The following FNIP1 variants were observed in gnomAD, a reference collection of about 807,000 sequenced individuals.
FNIP1 encodes the protein folliculin-interacting protein 1.
Under a neutral mutation model 124.5 loss-of-function variants are expected in FNIP1, and 40 were observed. That is an observed-to-expected ratio of 0.32 (90% CI 0.25 to 0.42). The LOEUF (loss-of-function observed/expected upper bound fraction) is 0.42. FNIP1 is among the 10% of genes least tolerant of loss of function. The pLI is 1.00. For synonymous variants in FNIP1, 472 were observed against 470.6 expected (o/e 1.00, Z -0.04); for missense variants, 1,176 against 1,403.7 (o/e 0.84, Z 2.59).
At chr5:131,644,785 T>C (rs761256340) in intron 17 of FNIP1, 22 bp from the exon 18 acceptor site, 1 of 1,611,458 alleles carries the variant, frequency 6.2e-7, no homozygotes. Flanking sequence ...GGGAAAAAAA[T>C]GTCAGTTTTG....
chr5:131,677,667 TCTAATA>T (rs1767948520), intron 13 of FNIP1, 30 bp downstream of exon 13: 1 of 1,557,778 alleles, frequency 6.4e-7, no homozygotes, highest in African/African-American at 1.4e-5. Flanking sequence ...TACAAAAAAG[TCTAATA>T]CATAGTGTAA....
chr5:131,791,112 T>C (rs190353301), intron 1 of FNIP1, among the ~76,000 whole-genome samples: 104 of 152,266 alleles, frequency 6.8e-4, no homozygotes, highest in African/African-American at 2.5e-3. Flanking sequence ...AAACCTGCAG[T>C]GAACAGCTCA....
chr5:131,766,968 C>T (rs1385965888), intron 1 of FNIP1, among the ~76,000 whole-genome samples: 2 of 152,146 alleles, frequency 1.3e-5, no homozygotes, highest in Admixed American at 1.3e-4. Flanking sequence ...GACTCCCACA[C>T]CAAATCTCCT....
intron 1 of FNIP1, among the ~76,000 whole-genome samples, chr5:131,746,870 C>G (rs1162891606): frequency 1.3e-5 from 2 of 152,180 alleles, no homozygotes; most frequent in Non-Finnish European, 2.9e-5. Flanking sequence ...TCCACAGTGG[C>G]TAAACTACTT....
intron 11 of FNIP1, among the ~76,000 whole-genome samples, chr5:131,693,551 A>G (rs1005684278): frequency 2.6e-4 from 39 of 151,684 alleles, no homozygotes; most frequent in African/African-American, 9.2e-4. Context: ...AATCTAGACA[A>G]AGACCTTACA....
At chr5:131,743,745 G>A (rs1028670088) in intron 2 of FNIP1, among the ~76,000 whole-genome samples, 3 of 152,106 alleles carry the variant, frequency 2.0e-5, no homozygotes, top group Non-Finnish European at 4.4e-5. Context: ...CATGTAAAGG[G>A]TAGAGTGAGA....
intron 2 of FNIP1, among the ~76,000 whole-genome samples, chr5:131,737,711 A>C (rs779874933): frequency 6.6e-6 from 1 of 152,190 alleles, no homozygotes; most frequent in Non-Finnish European, 1.5e-5. Flanking sequence ...GTAAGTGCTA[A>C]CGTGAGTTAG....
chr5:131,742,733 T>C (rs909077432), intron 2 of FNIP1, among the ~76,000 whole-genome samples: 2 of 152,234 alleles, frequency 1.3e-5, no homozygotes, highest in Non-Finnish European at 2.9e-5. Flanking sequence ...TTATTATGTA[T>C]GAACCCAAAT....
intron 1 of FNIP1, among the ~76,000 whole-genome samples, chr5:131,783,760 A>C (rs1772073224): frequency 6.6e-6 from 1 of 152,202 alleles, no homozygotes; most frequent in African/African-American, 2.4e-5. Flanking sequence ...CTGGAAGCTC[A>C]AGACAATAGG....
intron 11 of FNIP1, among the ~76,000 whole-genome samples, chr5:131,684,786 T>A (rs1367565703): frequency 6.6e-6 from 1 of 152,194 alleles, no homozygotes; most frequent in Non-Finnish European, 1.5e-5. Context: ...TGACAGTGTT[T>A]CCTCAGAGCC....
intron 1 of FNIP1, among the ~76,000 whole-genome samples, chr5:131,745,129 G>A (rs1223479555): frequency 1.3e-5 from 2 of 151,240 alleles, no homozygotes; most frequent in Non-Finnish European, 2.9e-5. Context: ...TTAAATAATA[G>A]CAAAGGACTT....
Position 131,672,730 on chromosome 5 carries a change from T to C in FNIP1, c.1714A>G (p.Thr572Ala), listed in dbSNP as rs1312082441. The part of the protein sequence containing the change: ...IVMPGTVITT[T>A]LEKGEIEESE... ...TCTTCTATTTCACCTTTCTCTAAAG[T>C]GGTAGTAATTACTGTGCCTGGCATA... is the stretch of plus-strand genomic sequence containing the variant. Residue 572 changes from threonine to alanine, a missense_variant, in exon 14 of 18, where the codon ACT (threonine) becomes GCT (alanine). Physicochemically the swap from Thr to Ala is moderately conservative, Grantham distance 58 (BLOSUM62 0). Coordinates refer to ENST00000510461, the MANE Select transcript of FNIP1 (RefSeq NM_133372.3). 8 of 1,613,564 alleles carry C rather than the reference T, an allele frequency of 5.0e-6. No homozygotes were observed. The Admixed American group carries it at 1.3e-4, about 27-fold the overall frequency.
intron 11 of FNIP1, among the ~76,000 whole-genome samples, chr5:131,688,868 T>C (rs1198637652): frequency 6.6e-6 from 1 of 151,840 alleles, no homozygotes; most frequent in African/African-American, 2.4e-5. Flanking sequence ...CCAGGAGCTG[T>C]GGTACAATTA....
chr5:131,723,059 C>G (rs1240528096), intron 3 of FNIP1, among the ~76,000 whole-genome samples: 2 of 152,118 alleles, frequency 1.3e-5, no homozygotes, highest in African/African-American at 4.8e-5. Context: ...CTAATTTATT[C>G]TTGAGATTTG....
At chr5:131,683,891 A>T (rs1768176627) in intron 11 of FNIP1, among the ~76,000 whole-genome samples, 1 of 152,202 alleles carries the variant, frequency 6.6e-6, no homozygotes, top group Non-Finnish European at 1.5e-5. Flanking sequence ...TCACATTTTC[A>T]TCAAACCCTC....
intron 11 of FNIP1, among the ~76,000 whole-genome samples, chr5:131,690,416 T>C (rs190366633): frequency 7.5e-4 from 114 of 152,158 alleles, no homozygotes; most frequent in South Asian, 6.2e-3. Context: ...ATCAAGACCA[T>C]GTGGAGGTAT....
chr5:131,662,788 G>A (rs968017025), intron 15 of FNIP1, among the ~76,000 whole-genome samples: 14 of 134,740 alleles, frequency 1.0e-4, no homozygotes, highest in Non-Finnish European at 1.7e-4. Context: ...CACCCAGGCT[G>A]GAGTACAGTG....
chr5:131,727,582 A>T (rs938153053), intron 3 of FNIP1, among the ~76,000 whole-genome samples: 1 of 152,106 alleles, frequency 6.6e-6, no homozygotes, highest in East Asian at 1.9e-4. Context: ...TTTGCAGATG[A>T]GATGGGTCTC....
At chr5:131,672,957 C>G (rs748794540) in intron 13 of FNIP1, 33 bp from the exon 14 acceptor site, 7 of 1,416,834 alleles carry the variant, frequency 4.9e-6, no homozygotes, top group Non-Finnish European at 6.7e-6. Flanking sequence ...TTGGACATGT[C>G]CTTTACTGAC....
Sources: gnomAD v4.1 joint callset for allele counts (sites outside exome capture counted in the v4.1 genomes callset) on GRCh38, gnomAD v4.1.1 for gene constraint, MANE v1.5 for transcripts, NCBI Gene and HGNC (gene_info 2026-07-23, HGNC 2026-07-21) for gene names.